AHI1: variants seen among roughly 807,000 people sequenced by gnomAD.
The protein encoded by AHI1 is Abelson helper integration site 1, also known as jouberin.
A neutral mutation model predicts 149.3 loss-of-function variants in AHI1; 123 were observed. The ratio of observed to expected loss-of-function variants is 0.82; its 90% CI spans 0.71 to 0.96. AHI1 has a LOEUF of 0.96. AHI1 is among the 40% of genes least tolerant of loss of function. The pLI is 0.00. For synonymous variants in AHI1, 475 were observed against 459.8 expected (o/e 1.03, Z -0.42); for missense variants, 1,439 against 1,422.7 (o/e 1.01, Z -0.18).
intron 5 of AHI1, among the ~76,000 whole-genome samples, chr6:135,481,233 A>C (rs1209425215): frequency 6.6e-6 from 1 of 152,248 alleles, no homozygotes; most frequent in Non-Finnish European, 1.5e-5. Context: ...TAAAACCCGT[A>C]AGAAATAAAT....
Position 135,424,807 on chromosome 6 carries a change from T to G in AHI1, c.2764+2360A>C, listed in dbSNP as rs1783704987. Among the ~76,000 whole-genome samples, 5 of 151,956 alleles carry G rather than the reference T, an allele frequency of 3.3e-5. No individual in the cohort carries two copies. The South Asian group carries it at 1.0e-3, about 31-fold the overall frequency. On this transcript the variant is annotated intron_variant, in intron 20 of 28. Coordinates refer to ENST00000265602, the MANE Select transcript of AHI1 (RefSeq NM_001134831.2). ...AAGCTTGCTCCATTTTCCTGGAAAA[T>G]TATCTGATAATTTTTTTTAAACACC...
chr6:135,387,864 G>C, intron 23 of AHI1: 1 of 1,510,020 alleles, frequency 6.6e-7, no homozygotes, highest in Non-Finnish European at 8.9e-7. Flanking sequence ...ACAATTCTAT[G>C]AAGTAGGAAA....
intron 23 of AHI1, among the ~76,000 whole-genome samples, chr6:135,383,487 G>A (rs1212220932): frequency 1.3e-5 from 2 of 151,838 alleles, no homozygotes; most frequent in Non-Finnish European, 2.9e-5. Flanking sequence ...ATCACCTGAC[G>A]GGATTACATT....
At chr6:135,483,152 C>G (rs1793975894) in intron 5 of AHI1, among the ~76,000 whole-genome samples, 1 of 151,604 alleles carries the variant, frequency 6.6e-6, no homozygotes, top group Non-Finnish European at 1.5e-5. Flanking sequence ...CCCACCTTGG[C>G]CTCCCAAAGT....
intron 6 of AHI1, among the ~76,000 whole-genome samples, chr6:135,467,151 G>A (rs1790897602): frequency 6.6e-6 from 1 of 152,086 alleles, no homozygotes; most frequent in Admixed American, 6.6e-5. Flanking sequence ...TATGCTTCAG[G>A]TAGGTATAAT....
intron 24 of AHI1, among the ~76,000 whole-genome samples, chr6:135,332,622 A>G (rs1017114618): frequency 3.3e-5 from 5 of 152,242 alleles, no homozygotes; most frequent in African/African-American, 1.2e-4. Context: ...TCACCTTCCA[A>G]GAAATTGGGA....
intron 21 of AHI1, among the ~76,000 whole-genome samples, chr6:135,406,413 T>C (rs1780803178): frequency 6.6e-6 from 1 of 152,216 alleles, no homozygotes; most frequent in African/African-American, 2.4e-5. Flanking sequence ...GCTCCAGTGC[T>C]TACTACTTGT....
intron 27 of AHI1, among the ~76,000 whole-genome samples, chr6:135,296,908 C>T (rs1456145731): frequency 6.6e-6 from 1 of 152,190 alleles, no homozygotes; most frequent in African/African-American, 2.4e-5. Context: ...GTCTGTCTTC[C>T]TTGCCACACT....
At chr6:135,325,089 T>C (rs1369538481) in intron 24 of AHI1, among the ~76,000 whole-genome samples, 1 of 146,766 alleles carries the variant, frequency 6.8e-6, no homozygotes, top group East Asian at 2.0e-4. Context: ...TGCACTGGTG[T>C]GATCTACACT....
intron 22 of AHI1, among the ~76,000 whole-genome samples, chr6:135,397,648 A>C (rs892401641): frequency 6.6e-6 from 1 of 152,096 alleles, no homozygotes; most frequent in Non-Finnish European, 1.5e-5. Context: ...TTCATGTTAA[A>C]AAACTTGCTG....
intron 15 of AHI1, chr6:135,435,017 CAAT>C (rs1785193700): frequency 6.6e-6 from 1 of 152,142 alleles, no homozygotes; most frequent in Admixed American, 6.5e-5. Context: ...GAGACACTAA[CAAT>C]AATATGTGTC....
At chr6:135,434,931 A>T (rs1045181653) in intron 15 of AHI1, among the ~76,000 whole-genome samples, 1 of 152,182 alleles carries the variant, frequency 6.6e-6, no homozygotes. Flanking sequence ...AACACAGATT[A>T]TTCCAGGGAT....
intron 24 of AHI1, among the ~76,000 whole-genome samples, chr6:135,331,470 G>C (rs770261759): frequency 6.6e-6 from 1 of 152,126 alleles, no homozygotes; most frequent in African/African-American, 2.4e-5. Context: ...GATTTAGGCA[G>C]AGTCTGCCAG....
chr6:135,387,711 A>G (rs1777806887), intron 23 of AHI1: 2 of 978,308 alleles, frequency 2.0e-6, no homozygotes, highest in Non-Finnish European at 2.6e-6. Flanking sequence ...ATCTTAAAAT[A>G]TCTTCCACTC....
At position 135,284,592 on chromosome 6, in the gene AHI1, A is replaced by C. The variant is rs1206475211; in HGVS notation, c.*1053T>G. The C allele has an allele frequency of 6.6e-6, 1 of 152,176 alleles. No individual in the cohort carries two copies. Among genetic ancestry groups the C allele is most frequent in the Non-Finnish European group, 1.5e-5 (1 of 68,032 alleles). 9.4% of individuals were successfully genotyped at this position (152,176 alleles called of 1,614,324 possible). On this transcript the variant is annotated 3_prime_UTR_variant, in exon 29 of 29. Transcript: ENST00000265602. ...ATTATTCTGGAACTTAGAAAAAATA[A>C]ATAATGCAATATAATAATGTAAAAA...
chr6:135,302,976 G>A (rs1784078044), intron 26 of AHI1, among the ~76,000 whole-genome samples: 1 of 152,208 alleles, frequency 6.6e-6, no homozygotes, highest in Non-Finnish European at 1.5e-5. Flanking sequence ...CATTGATTTA[G>A]AGAGGAGGGG....
intron 3 of AHI1, chr6:135,492,676 A>G (rs2128136734): frequency 7.1e-6 from 7 of 985,394 alleles, no homozygotes; most frequent in East Asian, 1.1e-4. Context: ...AAGAGCATTC[A>G]ATATTACATT....
intron 22 of AHI1, among the ~76,000 whole-genome samples, chr6:135,404,608 T>C (rs1780490824): frequency 6.6e-6 from 1 of 152,240 alleles, no homozygotes; most frequent in Admixed American, 6.5e-5. Flanking sequence ...TTACTCAGCA[T>C]ATACCTACTG....
intron 20 of AHI1, among the ~76,000 whole-genome samples, chr6:135,418,024 A>C (rs943746732): frequency 5.3e-4 from 7 of 13,238 alleles, no homozygotes; most frequent in Non-Finnish European, 9.4e-4. Flanking sequence ...TTTGCAATTA[A>C]ATAACTCTTT....
Sources: allele counts gnomAD v4.1 joint callset (sites outside exome capture counted in the v4.1 genomes callset), GRCh38; gene constraint gnomAD v4.1.1; transcripts MANE v1.5; gene names NCBI Gene and HGNC (gene_info 2026-07-23, HGNC 2026-07-21).